The following SEPTIN3 variants were observed in gnomAD, a reference collection of about 807,000 sequenced individuals.
The protein encoded by SEPTIN3 is septin 3, also known as neuronal-specific septin-3.
SEPTIN3 carries 15 observed loss-of-function variants against 45.1 expected under a neutral mutation model. That is an observed-to-expected ratio of 0.33 (90% CI 0.22 to 0.51). SEPTIN3 has a LOEUF of 0.51. SEPTIN3 is among the 20% of genes least tolerant of loss of function. The pLI, the probability that SEPTIN3 is intolerant of heterozygous loss-of-function variation, is 0.97. For synonymous variants in SEPTIN3, 148 were observed against 164.8 expected (o/e 0.90, Z 0.78); for missense variants, 289 against 457.2 (o/e 0.63, Z 3.35).
rs1373559067 is a variant in SEPTIN3 at position 41,994,335 on chromosome 22, T to A, written c.2405T>A (p.Val802Asp). 6.2e-7 allele frequency: 1 copy of A among 1,614,088 alleles called. No homozygotes were observed. Among genetic ancestry groups the A allele is most frequent in the Non-Finnish European group, 8.5e-7 (1 of 1,180,030 alleles). ...GAGTTTGCCCTGCTTCGAGACTTTG[T>A]CATCAGGTAAGATGTCTCCCCTCCA... ...HCEFALLRDF[V>D]IRTHLQDLKE... The change falls in exon 10 of 12, where the codon GTC (valine) becomes GAC (aspartate). Residue 802 changes from valine to aspartate, a missense_variant. By Grantham distance (152) the Val-to-Asp change is radical. Coordinates refer to ENST00000644076, the MANE Select transcript of SEPTIN3 (RefSeq NM_001363845.2). This position sits in a 1 kb window ranked among gnomAD's most constrained non-coding sequence, Gnocchi z 4.2.
At chr22:41,984,080 C>T (rs759422694) in intron 3 of SEPTIN3, among the ~76,000 whole-genome samples, 6 of 152,154 alleles carry the variant, frequency 3.9e-5, no homozygotes, top group Admixed American at 2.0e-4. Flanking sequence ...CAGTGCTGAG[C>T]CCAGATGTAG....
Position 41,997,041 on chromosome 22 carries a change from G to T in SEPTIN3, c.*74G>T. 6.2e-7 allele frequency: 1 copy of T among 1,608,994 alleles called. No individual in the cohort carries two copies. The highest frequency in any genetic ancestry group is 1.1e-5 in the South Asian group (1 of 90,802). ...GCTGCAGGGCCAAGCCCTTTTTAGTGCTGTGCTCGTCCAGCTCACCACCAC... is the reference window on the plus strand; with the variant it reads ...GCTGCAGGGCCAAGCCCTTTTTAGTTCTGTGCTCGTCCAGCTCACCACCAC... On this transcript the variant is annotated 3_prime_UTR_variant, in exon 12 of 12. Coordinates refer to ENST00000644076, the MANE Select transcript of SEPTIN3 (RefSeq NM_001363845.2).
At chr22:41,977,509 G>A (rs913739735) in intron 2 of SEPTIN3, among the ~76,000 whole-genome samples, 4 of 152,182 alleles carry the variant, frequency 2.6e-5, no homozygotes, top group Non-Finnish European at 5.9e-5. Context: ...GCCTCCAGAG[G>A]ACTGGGATGG....
intron 2 of SEPTIN3, among the ~76,000 whole-genome samples, chr22:41,974,353 G>T (rs544066340): frequency 7.2e-5 from 11 of 152,048 alleles, no homozygotes; most frequent in Admixed American, 6.5e-4. Context: ...GGTGGATCAC[G>T]AGGTGAGTTG....
At position 41,996,943 on chromosome 22, in the gene SEPTIN3, C is replaced by T. The variant is rs1347371362; in HGVS notation, c.2547C>T (p.Ala849=). 1 of 1,614,086 alleles carries T rather than the reference C, an allele frequency of 6.2e-7. No individual in the cohort carries two copies. The highest frequency in any genetic ancestry group is 2.2e-5 in the East Asian group (1 of 44,892). The change falls in exon 12 of 12, where the codon GCC becomes GCT. Residue 849 remains alanine (A), a synonymous_variant. Transcript: ENST00000644076. ...LLGTVLPPVP[A]TPCPTAE is the part of the protein sequence containing the mutation. ...GCACTGTCCTTCCACCTGTGCCAGCCACCCCCTGCCCCACTGCTGAATGAA... is the reference window on the plus strand; with the variant it reads ...GCACTGTCCTTCCACCTGTGCCAGCTACCCCCTGCCCCACTGCTGAATGAA...
In SEPTIN3 at chr22:41,986,233, C is replaced by T. The variant is rs758723446; in HGVS notation, c.1825+121C>T. On this transcript the variant is annotated intron_variant, in intron 4 of 11. Transcript: ENST00000644076. ...AAAGGCAACCTTAAGACAAAACAGA[C>T]GTGAGCACTTCACTCTGAAGCAAAC... The T allele has an allele frequency of 3.4e-5, 41 of 1,198,480 alleles. No homozygotes were observed. In the African/African-American group the frequency reaches 3.7e-4, roughly 11 times the overall value. 74.2% of individuals were successfully genotyped at this position (1,198,480 alleles called of 1,614,324 possible).
At position 41,996,940 on chromosome 22, in the gene SEPTIN3, A is replaced by G. The variant is rs991428722; in HGVS notation, c.2544A>G (p.Pro848=). ...GLLGTVLPPV[P]ATPCPTAE is the part of the protein sequence containing the mutation. ...TGGGCACTGTCCTTCCACCTGTGCC[A>G]GCCACCCCCTGCCCCACTGCTGAAT... The change falls in exon 12 of 12, where the codon CCA becomes CCG. Residue 848 remains proline, a synonymous_variant. Transcript: ENST00000644076. The G allele has an allele frequency of 1.2e-6, 2 of 1,613,916 alleles. No individual in the cohort carries two copies. Among genetic ancestry groups the G allele is most frequent in the African/African-American group, 1.3e-5 (1 of 74,908 alleles).
intron 3 of SEPTIN3, among the ~76,000 whole-genome samples, chr22:41,984,915 C>T (rs577078507): frequency 8.5e-5 from 12 of 140,356 alleles, no homozygotes; most frequent in Non-Finnish European, 1.7e-4. Flanking sequence ...CGCAGTGGCG[C>T]GATCTCAGCT....
intron 2 of SEPTIN3, among the ~76,000 whole-genome samples, chr22:41,979,159 G>T (rs895491819): frequency 3.9e-5 from 6 of 152,166 alleles, no homozygotes; most frequent in Non-Finnish European, 7.3e-5. Flanking sequence ...ACCAGGTCCT[G>T]GTCCTGTAGT....
At chr22:41,996,415 T>A in intron 11 of SEPTIN3, 3 of 986,356 alleles carry the variant, frequency 3.0e-6, no homozygotes, top group Non-Finnish European at 3.6e-6. Context: ...GTTTCACTGG[T>A]CCTCTATGAA....
At position 41,996,911 on chromosome 22, in the gene SEPTIN3, C is replaced by T; in HGVS notation, c.2515C>T (p.Leu839Phe). ...CTCAACCCCCCTGCAGGGAGAAGGC[C>T]TCCTGGGCACTGTCCTTCCACCTGT... is the stretch of plus-strand genomic sequence containing the variant. ...DNGGLPPGEGLLGTVLPPVPA... is the reference protein window; with the variant it reads ...DNGGLPPGEGFLGTVLPPVPA... Residue 839 changes from leucine to phenylalanine, a missense_variant, in exon 12 of 12, where the codon CTC becomes TTC. By Grantham distance (22) the Leu-to-Phe change is conservative. This residue lies in a region of SEPTIN3 where 84 missense variants were observed against 114.7 expected (regional missense o/e 0.73). Coordinates refer to ENST00000644076, the MANE Select transcript of SEPTIN3 (RefSeq NM_001363845.2). 1 of 1,614,098 alleles carries T rather than the reference C, an allele frequency of 6.2e-7. No homozygotes were observed. Among genetic ancestry groups the T allele is most frequent in the Admixed American group, 1.7e-5 (1 of 60,026 alleles).
At chr22:41,986,593 G>A (rs1204896941) in intron 4 of SEPTIN3, among the ~76,000 whole-genome samples, 1 of 151,732 alleles carries the variant, frequency 6.6e-6, no homozygotes, top group Admixed American at 6.6e-5. Flanking sequence ...TCCACCTCCC[G>A]GGTTCACGCC....
intron 11 of SEPTIN3, 52 bp from the exon 12 acceptor site, chr22:41,996,850 T>G: frequency 6.2e-7 from 1 of 1,610,188 alleles, no homozygotes; most frequent in Non-Finnish European, 8.5e-7. Context: ...TTTATATGTC[T>G]GCTGCCAGCT....
At chr22:41,981,973 C>A in intron 3 of SEPTIN3, 137 bp downstream of exon 3, 1 of 808,508 alleles carries the variant, frequency 1.2e-6, no homozygotes, top group Non-Finnish European at 2.0e-6. Flanking sequence ...CCATGCTGAT[C>A]ACAAAGGCCT....
Position 41,972,469 on chromosome 22 carries a change from C to T in SEPTIN3, c.977C>T (p.Thr326Ile). The T allele has an allele frequency of 2.5e-6, 1 of 399,098 alleles. No individual in the cohort carries two copies. Among genetic ancestry groups the T allele is most frequent in the Non-Finnish European group, 4.4e-6 (1 of 226,114 alleles). 24.7% of individuals were successfully genotyped at this position (399,098 alleles called of 1,614,324 possible). A position where few individuals can be genotyped will look rare whatever the true frequency, so the allele number is the denominator to read the frequency against. ...TCAGGCAAAACCGTGAACTTGGCTACAGCAGGCACAATCAAGCCGGGCACA... is the reference window on the plus strand; with the variant it reads ...TCAGGCAAAACCGTGAACTTGGCTATAGCAGGCACAATCAAGCCGGGCACA... ...VKSGKTVNLA[T>I]AGTIKPGTAM... Residue 326 changes from threonine to isoleucine, a missense_variant, in exon 2 of 12, where the codon ACA becomes ATA. Coordinates refer to ENST00000644076, the MANE Select transcript of SEPTIN3 (RefSeq NM_001363845.2).
Position 41,987,723 on chromosome 22 carries a change from A to G in SEPTIN3, c.2009A>G (p.His670Arg). 1 of 1,614,008 alleles carries G rather than the reference A, an allele frequency of 6.2e-7. No homozygotes were observed. The highest frequency in any genetic ancestry group is 8.5e-7 in the Non-Finnish European group (1 of 1,179,888). The change falls in exon 6 of 12, where the codon CAC (histidine) becomes CGC (arginine). Residue 670 changes from histidine (H) to arginine (R), a missense_variant. Transcript: ENST00000644076. Reference sequence around the variant, plus strand: ...AAACGCATCCCTGACACTCGTGTCCACTGCTGCCTTTACTTCATCTCTCCC... The same window carrying G: ...AAACGCATCCCTGACACTCGTGTCCGCTGCTGCCTTTACTTCATCTCTCCC... Reference protein sequence around the residue: ...RKKRIPDTRVHCCLYFISPTG... With the variant: ...RKKRIPDTRVRCCLYFISPTG...
chr22:41,996,072 C>T (rs1183146521), intron 11 of SEPTIN3: 10 of 985,174 alleles, frequency 1.0e-5, no homozygotes, highest in Non-Finnish European at 1.1e-5. Context: ...TTCTATTCCC[C>T]ATCACTTTTG....
intron 9 of SEPTIN3, among the ~76,000 whole-genome samples, chr22:41,993,271 A>G (rs890739612): frequency 6.6e-6 from 1 of 152,174 alleles, no homozygotes; most frequent in Non-Finnish European, 1.5e-5. Context: ...AGCTCAGGTT[A>G]AAAGCCTTGT....
In SEPTIN3 at chr22:41,987,648, A is replaced by G. The variant is rs752848343; in HGVS notation, c.1934A>G (p.Asn645Ser). ...NCWEPIEKYI[N>S]EQYEKFLKEE... ...TGGGAGCCCATTGAGAAGTACATCA[A>G]TGAGCAGTACGAGAAGTTCCTGAAG... The change falls in exon 6 of 12, where the codon AAT (asparagine) becomes AGT (serine). Residue 645 changes from asparagine to serine, a missense_variant. Coordinates refer to ENST00000644076, the MANE Select transcript of SEPTIN3 (RefSeq NM_001363845.2). 4 of 1,613,666 alleles carry G rather than the reference A, an allele frequency of 2.5e-6. No homozygotes were observed. In the South Asian group the frequency reaches 3.3e-5, roughly 13 times the overall value.
Sources: allele counts gnomAD v4.1 joint callset (sites outside exome capture counted in the v4.1 genomes callset), GRCh38; gene constraint gnomAD v4.1.1; regional missense constraint gnomAD v4.1.1; non-coding constraint Gnocchi (gnomAD v3.1); transcripts MANE v1.5; gene names NCBI Gene and HGNC (gene_info 2026-07-23, HGNC 2026-07-21).